The following ZC3H3 variants were observed in gnomAD, a reference collection of about 807,000 sequenced individuals.
ZC3H3 encodes zinc finger CCCH domain-containing protein 3.
ZC3H3 carries 36 observed loss-of-function variants against 77.3 expected under a neutral mutation model. That is an observed-to-expected ratio of 0.47 (90% CI 0.36 to 0.61). ZC3H3 has a LOEUF of 0.61. ZC3H3 is among the 20% of genes least tolerant of loss of function. The pLI is 0.00. For missense variants in ZC3H3, 1,331 were observed against 1,312.2 expected, an observed-to-expected ratio of 1.01 and a Z score of -0.22; for synonymous variants, 626 against 555.2, an observed-to-expected ratio of 1.13 and a Z score of -1.79.
At chr8:143,534,296 AC>A (rs1563886129) in intron 3 of ZC3H3, among the ~76,000 whole-genome samples, 2 of 144,986 alleles carry the variant, frequency 1.4e-5, no homozygotes, top group African/African-American at 2.5e-5. Context: ...AAAAAAAAAA[AC>A]GACGAGATCA....
At position 143,538,665 on chromosome 8, in the gene ZC3H3, A is replaced by G; in HGVS notation, c.702T>C (p.Ala234=). The change falls in exon 2 of 12, where the codon GCT becomes GCC. Residue 234 remains alanine, a synonymous_variant. Transcript: ENST00000262577. ...IAVKASFPSS[A]LPPRTGVALG... is the part of the protein sequence containing the mutation. The stretch of plus-strand genomic sequence containing the variant: ...GGGCCACGCCAGTGCGTGGGGGCAG[A>G]GCGGAGGATGGGAAGCTCGCCTTGA... 3 of 1,608,404 alleles carry G rather than the reference A, an allele frequency of 1.9e-6. No individual in the cohort carries two copies. Among genetic ancestry groups the G allele is most frequent in the South Asian group, 1.1e-5 (1 of 91,072 alleles).
intron 10 of ZC3H3, 106 bp from the exon 11 acceptor site, chr8:143,440,469 G>A (rs1409779298): frequency 2.8e-6 from 4 of 1,444,464 alleles, no homozygotes; most frequent in Non-Finnish European, 3.6e-6. Flanking sequence ...GGCCCTCCGT[G>A]GTCTCAGGGC....
intron 4 of ZC3H3, among the ~76,000 whole-genome samples, chr8:143,477,559 T>C (rs1820770907): frequency 6.6e-6 from 1 of 152,172 alleles, no homozygotes; most frequent in South Asian, 2.1e-4. Flanking sequence ...GTGCATGGCC[T>C]GTACCTTCAG....
At chr8:143,471,252 G>T (rs1196126030) in intron 5 of ZC3H3, among the ~76,000 whole-genome samples, 1 of 152,272 alleles carries the variant, frequency 6.6e-6, no homozygotes, top group Non-Finnish European at 1.5e-5. Flanking sequence ...TCCAGGGCAC[G>T]TCCGTCTGGC....
In ZC3H3 at chr8:143,496,208, G is replaced by C. The variant is rs138341617; in HGVS notation, c.1715+11538C>G. ...AGGGTGCGGGTGTGCATGGGAGTGG[G>C]AGCAGACACTCAACGCCCTTGTTCT... On this transcript the variant is annotated intron_variant, in intron 4 of 11. Transcript: ENST00000262577. 4.0e-3 allele frequency among the ~76,000 whole-genome samples: 616 copies of C among 152,260 alleles called. 3 individuals are homozygous for C. The highest frequency in any genetic ancestry group is 0.014 in the African/African-American group (581 of 41,544).
At chr8:143,537,858 A>T in intron 2 of ZC3H3, 145 bp downstream of exon 2, 1 of 957,398 alleles carries the variant, frequency 1.0e-6, no homozygotes, top group Non-Finnish European at 1.6e-6. Context: ...CCAAACCACC[A>T]CAGCAGCACT....
rs1192148575 is a variant in ZC3H3 at position 143,494,104 on chromosome 8, A to AGC, written c.1715+13640_1715+13641dup. 6.6e-6 allele frequency among the ~76,000 whole-genome samples: 1 copy of AGC among 152,032 alleles called. No homozygotes were observed. The highest frequency in any genetic ancestry group is 1.5e-5 in the Non-Finnish European group (1 of 67,986). ...GCCTGGGGAGTGGGAGGGGAAGGGG[A>AGC]GCGCTGAGGGCCATCCCCACAGGCC... On this transcript the variant is annotated intron_variant, in intron 4 of 11. Transcript: ENST00000262577. This position sits in a 1 kb window ranked among gnomAD's most constrained non-coding sequence, Gnocchi z 5.3.
chr8:143,490,213 G>C (rs534538442), intron 4 of ZC3H3, among the ~76,000 whole-genome samples: 2 of 152,190 alleles, frequency 1.3e-5, no homozygotes, highest in Non-Finnish European at 2.9e-5. Flanking sequence ...GAGGCCCCCC[G>C]GGGCCTGGAC....
At chr8:143,483,784 C>A (rs1490053930) in intron 4 of ZC3H3, among the ~76,000 whole-genome samples, 1 of 152,198 alleles carries the variant, frequency 6.6e-6, no homozygotes, top group Non-Finnish European at 1.5e-5. Context: ...ATCCTCCAAA[C>A]CCCTATACCC....
In ZC3H3 at chr8:143,441,130, G is replaced by A. The variant is rs1819730874; in HGVS notation, c.2308-10C>T. 1 of 1,408,264 alleles carries A rather than the reference G, an allele frequency of 7.1e-7. No homozygotes were observed. The highest frequency in any genetic ancestry group is 9.2e-7 in the Non-Finnish European group (1 of 1,089,130). The allele number at this position is 1,408,264 out of a possible 1,614,324, so 87.2% of individuals were successfully genotyped here. On this transcript the variant is annotated splice_polypyrimidine_tract_variant and intron_variant, in intron 9 of 11. Transcript: ENST00000262577. The stretch of plus-strand genomic sequence containing the variant: ...TGTGTTTCTTCTTGCACTGCAGAGA[G>A]AAGGGGTGCAGGTGGGTGGGCCGGC...
At position 143,468,441 on chromosome 8, in the gene ZC3H3, G is replaced by A. The variant is rs1223132576; in HGVS notation, c.2046C>T (p.Cys682=). 3.1e-6 allele frequency: 5 copies of A among 1,610,798 alleles called. No homozygotes were observed. The highest frequency in any genetic ancestry group is 4.2e-6 in the Non-Finnish European group (5 of 1,179,164). Residue 682 remains cysteine (C), a synonymous_variant, in exon 7 of 12, where the codon TGC becomes TGT. Transcript: ENST00000262577. The stretch of plus-strand genomic sequence containing the variant: ...TGTAGGGGCAGCGCTCGCCACGGTT[G>A]CACCTGCCGAAGCGGTTGTAGTACA... ...YCMYYNRFGR[C]NRGERCPYIH... is the part of the protein sequence containing the mutation.
chr8:143,495,115 G>C (rs1447556503), intron 4 of ZC3H3, among the ~76,000 whole-genome samples: 2 of 152,220 alleles, frequency 1.3e-5, no homozygotes, highest in Non-Finnish European at 2.9e-5. Flanking sequence ...CAGGTGCACA[G>C]AAAGAGCTGC....
Position 143,438,042 on chromosome 8 carries a change from G to T in ZC3H3, c.*14C>A, listed in dbSNP as rs201332231. ...TGAGGGTCTGAGGTAGGTGCAGGCC[G>T]GTCCCTGGGGTCCTCACAGACGTGG... On this transcript the variant is annotated 3_prime_UTR_variant, in exon 12 of 12. Transcript: ENST00000262577. The T allele has an allele frequency of 1.2e-6, 2 of 1,609,566 alleles. No homozygotes were observed. The highest frequency in any genetic ancestry group is 1.3e-5 in the African/African-American group (1 of 74,954).
chr8:143,510,413 G>A (rs911303985), intron 3 of ZC3H3, among the ~76,000 whole-genome samples: 1 of 152,244 alleles, frequency 6.6e-6, no homozygotes, highest in African/African-American at 2.4e-5. Context: ...ATTCCCAGAT[G>A]GGCAGCTCGG....
intron 3 of ZC3H3, among the ~76,000 whole-genome samples, chr8:143,515,465 C>T (rs968845092): frequency 2.0e-5 from 3 of 152,336 alleles, no homozygotes; most frequent in South Asian, 2.1e-4. Context: ...TGCAGTTGTG[C>T]GGAAAAGTGG....
At chr8:143,479,877 T>C (rs755574264) in intron 4 of ZC3H3, among the ~76,000 whole-genome samples, 14 of 152,156 alleles carry the variant, frequency 9.2e-5, no homozygotes, top group Non-Finnish European at 1.5e-4. Flanking sequence ...ACACACACAC[T>C]ACAAAAGCAG....
intron 4 of ZC3H3, among the ~76,000 whole-genome samples, chr8:143,489,351 G>A (rs538237425): frequency 6.6e-6 from 1 of 152,316 alleles, no homozygotes; most frequent in East Asian, 1.9e-4. Flanking sequence ...GGGTAGGGTG[G>A]GGTGGGGGAG....
intron 4 of ZC3H3, among the ~76,000 whole-genome samples, chr8:143,495,231 GA>G (rs1821314758): frequency 6.6e-6 from 1 of 152,236 alleles, no homozygotes; most frequent in Non-Finnish European, 1.5e-5. Flanking sequence ...GCAAGGATGG[GA>G]AATGCACTGT....
chr8:143,509,955 G>C (rs563171890), intron 3 of ZC3H3, among the ~76,000 whole-genome samples: 9 of 152,142 alleles, frequency 5.9e-5, no homozygotes, highest in Non-Finnish European at 1.2e-4. Flanking sequence ...AGTCCTCTAG[G>C]AATTCCCAGC....
Sources: gnomAD v4.1 joint callset for allele counts (sites outside exome capture counted in the v4.1 genomes callset) on GRCh38, gnomAD v4.1.1 for gene constraint, Gnocchi (gnomAD v3.1) non-coding constraint, MANE v1.5 for transcripts, NCBI Gene and HGNC (gene_info 2026-07-23, HGNC 2026-07-21) for gene names.